GAD2: variants seen among roughly 807,000 people sequenced by gnomAD.
GAD2 encodes the protein glutamate decarboxylase 2, also known as 65 kDa glutamic acid decarboxylase.
In GAD2, 22 loss-of-function variants were observed where a neutral mutation model predicts 80.1. The ratio of observed to expected loss-of-function variants is 0.27; its 90% CI spans 0.20 to 0.39. The LOEUF (loss-of-function observed/expected upper bound fraction) is 0.39, where lower values mean the gene tolerates loss of function less well. Ranked by LOEUF, GAD2 falls within the 10% of genes least tolerant of loss-of-function variation. GAD2 has a pLI of 1.00. For synonymous variants in GAD2, 274 were observed against 256.9 expected, an observed-to-expected ratio of 1.07 and a Z score of -0.64; for missense variants, 624 against 738.4, an observed-to-expected ratio of 0.85 and a Z score of 1.80.
At position 26,304,467 on chromosome 10, in the gene GAD2, G is replaced by A. The variant is rs1001641544; in HGVS notation, c.*3506G>A. The A allele has an allele frequency of 6.6e-6, 1 of 152,606 alleles. No homozygotes were observed. The highest frequency in any genetic ancestry group is 1.5e-5 in the Non-Finnish European group (1 of 68,034). The allele number at this position is 152,606 out of a possible 1,614,324, so 9.5% of individuals were successfully genotyped here. On this transcript the variant is annotated 3_prime_UTR_variant, in exon 16 of 16. Transcript: ENST00000376261. ...AAAATATACAAACATGTGGCAACCT[G>A]TTCTTCCTACCAAATATAAACTTGT...
At chr10:26,267,448 G>A (rs945310545) in intron 8 of GAD2, among the ~76,000 whole-genome samples, 1 of 152,352 alleles carries the variant, frequency 6.6e-6, no homozygotes, top group African/African-American at 2.4e-5. Flanking sequence ...TGAAGTGTAG[G>A]AAGATTTATA....
chr10:26,296,537 GT>G (rs1834275122), intron 15 of GAD2, among the ~76,000 whole-genome samples: 1 of 152,154 alleles, frequency 6.6e-6, no homozygotes, highest in African/African-American at 2.4e-5. Flanking sequence ...ATGGCGCTTT[GT>G]CCCTGAGGCA....
intron 13 of GAD2, 124 bp downstream of exon 13, chr10:26,286,618 T>A: frequency 1.1e-6 from 1 of 947,278 alleles, no homozygotes; most frequent in Non-Finnish European, 1.5e-6. Context: ...TTGCTTTCTT[T>A]AAACTTGCGT....
Position 26,286,347 on chromosome 10 carries a change from A to G in GAD2, c.1239A>G (p.Gly413=). Residue 413 remains glycine (G), a splice_region_variant and synonymous_variant, in exon 13 of 16, where the codon GGA becomes GGG. Transcript: ENST00000376261. ...QCSALLVREE[G]LMQNCNQMHA... is the part of the protein sequence containing the mutation. ...AAATTTTCTCTTCTCTCTTGTAGGGATTGATGCAGAATTGCAACCAAATGC... is the reference window on the plus strand; with the variant it reads ...AAATTTTCTCTTCTCTCTTGTAGGGGTTGATGCAGAATTGCAACCAAATGC... 3 of 1,612,906 alleles carry G rather than the reference A, an allele frequency of 1.9e-6. No individual in the cohort carries two copies. The highest frequency in any genetic ancestry group is 1.7e-4 in the Middle Eastern group (1 of 6,060).
At chr10:26,259,493 T>C (rs1844984087) in intron 8 of GAD2, among the ~76,000 whole-genome samples, 1 of 152,144 alleles carries the variant, frequency 6.6e-6, no homozygotes, top group Non-Finnish European at 1.5e-5. Context: ...TTTTTTTTCA[T>C]GTGCTTAGTG....
chr10:26,240,392 C>G (rs74129132), intron 7 of GAD2, among the ~76,000 whole-genome samples: 1 of 151,956 alleles, frequency 6.6e-6, no homozygotes, highest in African/African-American at 2.4e-5. Flanking sequence ...TATAAAATCC[C>G]TTATTTATTT....
intron 8 of GAD2, among the ~76,000 whole-genome samples, chr10:26,265,233 C>G (rs1413422082): frequency 7.1e-6 from 1 of 141,818 alleles, no homozygotes; most frequent in Non-Finnish European, 1.5e-5. Flanking sequence ...TAGACGGAGT[C>G]TCACTCTGTC....
At chr10:26,278,058 GC>G (rs1442189590) in intron 11 of GAD2, among the ~76,000 whole-genome samples, 1 of 152,080 alleles carries the variant, frequency 6.6e-6, no homozygotes, top group Non-Finnish European at 1.5e-5. Flanking sequence ...AATCTGCAGG[GC>G]TTTTTGCCAT....
At chr10:26,249,137 A>G (rs932819627) in intron 8 of GAD2, among the ~76,000 whole-genome samples, 5 of 152,112 alleles carry the variant, frequency 3.3e-5, no homozygotes, top group East Asian at 3.8e-4. Context: ...GTCTCGGCTC[A>G]CTGCAACCTC....
At chr10:26,263,278 G>A (rs1251897163) in intron 8 of GAD2, among the ~76,000 whole-genome samples, 1 of 152,120 alleles carries the variant, frequency 6.6e-6, no homozygotes, top group Non-Finnish European at 1.5e-5. Flanking sequence ...TATAGTTAAA[G>A]TTCTTTTTCC....
At chr10:26,218,564 C>CACACACAT (rs1844413695) in intron 3 of GAD2, among the ~76,000 whole-genome samples, 1 of 151,280 alleles carries the variant, frequency 6.6e-6, no homozygotes, top group African/African-American at 2.4e-5. Context: ...CACACACACA[C>CACACACAT]ACACACACAC....
At chr10:26,296,776 G>A (rs1834277426) in intron 15 of GAD2, among the ~76,000 whole-genome samples, 1 of 152,086 alleles carries the variant, frequency 6.6e-6, no homozygotes, top group African/African-American at 2.4e-5. Context: ...TACACTGATT[G>A]GAGGACTTTT....
chr10:26,272,223 C>T (rs969500228), intron 10 of GAD2, among the ~76,000 whole-genome samples: 12 of 152,100 alleles, frequency 7.9e-5, no homozygotes, highest in African/African-American at 2.7e-4. Context: ...TTTCATTTTA[C>T]ACATGAAGAC....
chr10:26,250,877 CTTTTTT>C (rs1181428173), intron 8 of GAD2, among the ~76,000 whole-genome samples: 3 of 112,950 alleles, frequency 2.7e-5, no homozygotes, highest in African/African-American at 1.1e-4. Flanking sequence ...GTTTTTTTTC[CTTTTTT>C]TTTTTTTTTT....
chr10:26,269,130 T>G lies in GAD2; in HGVS notation c.932T>G (p.Ile311Ser). ...CTTTTTCCTTCCAGAGGGAAAATGA[T>G]TCCATCTGATCTTGAAAGAAGGATT... is the stretch of plus-strand genomic sequence containing the variant. ...LIKCDERGKM[I>S]PSDLERRILE... Residue 311 changes from isoleucine (I) to serine (S), a missense_variant, in exon 9 of 16, where the codon ATT becomes AGT. By Grantham distance (142) the Ile-to-Ser change is moderately radical. Transcript: ENST00000376261. 16 of 1,596,938 alleles carry G rather than the reference T, an allele frequency of 1.0e-5. No homozygotes were observed. The highest frequency in any genetic ancestry group is 1.4e-5 in the Non-Finnish European group (16 of 1,170,860).
At chr10:26,293,172 C>CTTTTTTTTT (rs987030977) in intron 15 of GAD2, among the ~76,000 whole-genome samples, 181 bp downstream of exon 15, 35 of 96,428 alleles carry the variant, frequency 3.6e-4, no homozygotes, top group African/African-American at 4.2e-4. Flanking sequence ...CATTTTTCTT[C>CTTTTTTTTT]TTTTTTTTTT....
intron 8 of GAD2, among the ~76,000 whole-genome samples, chr10:26,254,164 G>A (rs8190677): frequency 8.5e-4 from 130 of 152,284 alleles, no homozygotes; most frequent in African/African-American, 3.0e-3. Context: ...AGCCTCCTGG[G>A]TAGCTGGGTT....
Position 26,245,935 on chromosome 10 carries a change from CAAG to C in GAD2, c.859_861del (p.Lys287del). 6.2e-7 allele frequency: 1 copy of C among 1,613,544 alleles called. No homozygotes were observed. Among genetic ancestry groups the C allele is most frequent in the African/African-American group, 1.3e-5 (1 of 74,992 alleles). On this transcript the variant is annotated inframe_deletion, in exon 8 of 16. Coordinates refer to ENST00000376261, the MANE Select transcript of GAD2 (RefSeq NM_001134366.2). ...TTTTTTTACAGAGTCATTTTTCTCT[CAAG>C]AAGGGAGCTGCAGCCTTAGGGATTG... is the stretch of plus-strand genomic sequence containing the variant.
chr10:26,293,840 C>T (rs1309450205), intron 15 of GAD2, among the ~76,000 whole-genome samples: 2 of 152,198 alleles, frequency 1.3e-5, no homozygotes. Flanking sequence ...TGTTAGGTCA[C>T]TTAAAGCCTC....
Sources: allele counts gnomAD v4.1 joint callset (sites outside exome capture counted in the v4.1 genomes callset), GRCh38; gene constraint gnomAD v4.1.1; transcripts MANE v1.5; gene names NCBI Gene and HGNC (gene_info 2026-07-23, HGNC 2026-07-21).